The following KIF5B variants were observed in gnomAD, a reference collection of about 807,000 sequenced individuals.
The protein encoded by KIF5B is kinesin family member 5B.
A neutral mutation model predicts 132.8 loss-of-function variants in KIF5B; 49 were observed. The observed-to-expected ratio is 0.37, with a 90% CI of 0.29 to 0.47. KIF5B has a LOEUF of 0.47. Among genes scored for constraint, KIF5B ranks in the 20% least tolerant of loss-of-function variants. KIF5B has a pLI of 1.00. For synonymous variants in KIF5B, 355 were observed against 369.4 expected, an observed-to-expected ratio of 0.96 and a Z score of 0.45; for missense variants, 780 against 1,144.0, an observed-to-expected ratio of 0.68 and a Z score of 4.59.
At position 32,042,441 on chromosome 10, in the gene KIF5B, G is replaced by C. The variant is rs1366225910; in HGVS notation, c.215-1984C>G. On this transcript the variant is annotated intron_variant, in intron 2 of 25. Transcript: ENST00000302418. ...CCACAACGCACCCCCAAAATATCTGGGTAAAAGTCTCATCCTATGTGTTCT... is the reference window on the plus strand; with the variant it reads ...CCACAACGCACCCCCAAAATATCTGCGTAAAAGTCTCATCCTATGTGTTCT... Among the ~76,000 whole-genome samples the C allele has an allele frequency of 2.0e-5, 3 of 151,876 alleles. No homozygotes were observed. The East Asian group carries it at 5.8e-4, about 29-fold the overall frequency.
At chr10:32,022,017 G>C in intron 17 of KIF5B, 123 bp downstream of exon 17, 2 of 599,962 alleles carry the variant, frequency 3.3e-6, no homozygotes, top group Non-Finnish European at 5.9e-6. Flanking sequence ...TAATATGTAT[G>C]ATTTGTTTAC....
chr10:32,041,731 C>G lies in KIF5B; in HGVS notation c.215-1274G>C, dbSNP rs1592451514. On this transcript the variant is annotated intron_variant, in intron 2 of 25. Coordinates refer to ENST00000302418, the MANE Select transcript of KIF5B (RefSeq NM_004521.3). ...GCCTCAACCTCTTGGGTGTAGTAAGCTGCCTGCTTCAGCTTCAAGTAGCCA... is the reference window on the plus strand; with the variant it reads ...GCCTCAACCTCTTGGGTGTAGTAAGGTGCCTGCTTCAGCTTCAAGTAGCCA... Among the ~76,000 whole-genome samples, 3 of 152,298 alleles carry G rather than the reference C, an allele frequency of 2.0e-5. No homozygotes were observed. In the South Asian group the frequency reaches 6.2e-4, roughly 32 times the overall value.
chr10:32,037,729 A>C, intron 6 of KIF5B, 122 bp from the exon 7 acceptor site: 1 of 665,402 alleles, frequency 1.5e-6, no homozygotes, highest in Non-Finnish European at 2.6e-6. Context: ...GCTACTTGGG[A>C]GGCTGAGGCA....
At position 32,013,036 on chromosome 10, in the gene KIF5B, G is replaced by A. The variant is rs569730393; in HGVS notation, c.*21-1520C>T. On this transcript the variant is annotated intron_variant, in intron 25 of 25. Coordinates refer to ENST00000302418, the MANE Select transcript of KIF5B (RefSeq NM_004521.3). ...CCTGCCCCAGCCTCCCGAGTAGCTG[G>A]GATTACAGGCATGTGCCACCACGCC... Among the ~76,000 whole-genome samples, 9 of 151,992 alleles carry A rather than the reference G, an allele frequency of 5.9e-5. No homozygotes were observed. The South Asian group carries it at 1.7e-3, about 28-fold the overall frequency.
In KIF5B at chr10:32,015,225, C is replaced by G. The variant is rs79897350; in HGVS notation, c.*20+284G>C. Among the ~76,000 whole-genome samples, 364 of 151,818 alleles carry G rather than the reference C, an allele frequency of 2.4e-3. 3 individuals carry two copies. The highest frequency in any genetic ancestry group is 8.3e-3 in the African/African-American group (344 of 41,400). On this transcript the variant is annotated intron_variant, in intron 25 of 25. Coordinates refer to ENST00000302418, the MANE Select transcript of KIF5B (RefSeq NM_004521.3). ...GGAAAAAATTAATATAATTACATGT[C>G]TAGCCAAAAGGAAAGGAATGTTTAT...
Position 32,036,067 on chromosome 10 carries a change from CAT to C in KIF5B, c.712-75_712-74del, listed in dbSNP as rs1329830420. ...TTTTCTTTACATTTTCTAAAATGTT[CAT>C]ATGTCATCAATAACCAGTAAAAAAG... is the stretch of plus-strand genomic sequence containing the variant. On this transcript the variant is annotated intron_variant, in intron 8 of 25. Transcript: ENST00000302418. 3.1e-5 allele frequency: 30 copies of C among 955,674 alleles called. No homozygotes were observed. In the South Asian group the frequency reaches 3.4e-4, roughly 11 times the overall value. 59.2% of individuals were successfully genotyped at this position (955,674 alleles called of 1,614,324 possible). A position where few individuals can be genotyped will look rare whatever the true frequency, so the allele number is the denominator to read the frequency against.
intron 4 of KIF5B, 57 bp from the exon 5 acceptor site, chr10:32,038,883 T>C: frequency 9.4e-7 from 1 of 1,066,562 alleles, no homozygotes; most frequent in Non-Finnish European, 1.4e-6. Flanking sequence ...CTTATTCGCA[T>C]ATTGAGGTCT....
Position 32,022,784 on chromosome 10 carries a change from A to G in KIF5B, c.1914+64T>C, listed in dbSNP as rs1237904026. 7.4e-6 allele frequency: 9 copies of G among 1,223,684 alleles called. No homozygotes were observed. In the South Asian group the frequency reaches 1.5e-4, roughly 20 times the overall value. The allele number at this position is 1,223,684 out of a possible 1,614,324, so 75.8% of individuals were successfully genotyped here. A position where few individuals can be genotyped will look rare whatever the true frequency, so the allele number is the denominator to read the frequency against. ...GACACACATTTTTCTGAAAACTTGT[A>G]TAATAAATAAAATTTCTATGTGGCT... On this transcript the variant is annotated intron_variant, in intron 16 of 25. Coordinates refer to ENST00000302418, the MANE Select transcript of KIF5B (RefSeq NM_004521.3).
intron 13 of KIF5B, 86 bp from the exon 14 acceptor site, chr10:32,031,365 A>C: frequency 1.1e-6 from 1 of 943,576 alleles, no homozygotes; most frequent in Non-Finnish European, 1.6e-6. Context: ...GTCAAGAACA[A>C]ATGGAGTGAA....
At chr10:32,028,316 GT>G (rs1162344443) in intron 15 of KIF5B, 111 bp downstream of exon 15, 5 of 854,686 alleles carry the variant, frequency 5.9e-6, no homozygotes, top group Non-Finnish European at 9.1e-6. Flanking sequence ...CTACACGACT[GT>G]TTGTGAGGAT....
chr10:32,041,656 C>A (rs1841540994), intron 2 of KIF5B, among the ~76,000 whole-genome samples: 1 of 152,180 alleles, frequency 6.6e-6, no homozygotes, highest in Admixed American at 6.5e-5. Flanking sequence ...GACAGGGTCT[C>A]CCCTCTGTTC....
chr10:32,036,064 G>T, intron 8 of KIF5B, 70 bp from the exon 9 acceptor site: 1 of 1,025,840 alleles, frequency 9.7e-7, no homozygotes, highest in Non-Finnish European at 1.4e-6. Flanking sequence ...TTTCTAAAAT[G>T]TTCATATGTC....
intron 3 of KIF5B, 37 bp downstream of exon 3, chr10:32,040,347 T>G: frequency 1.6e-6 from 2 of 1,241,168 alleles, no homozygotes; most frequent in Non-Finnish European, 2.4e-6. Flanking sequence ...CTGTATGTAT[T>G]GCAAACCACA....
At chr10:32,036,019 G>GA (rs1841456266) in intron 8 of KIF5B, 25 bp from the exon 9 acceptor site, 1 of 1,427,542 alleles carries the variant, frequency 7.0e-7, no homozygotes, top group African/African-American at 1.4e-5. Flanking sequence ...TCAAAAGAAT[G>GA]AAACAAAATT....
chr10:32,041,472 TC>T (rs1354667261), intron 2 of KIF5B, among the ~76,000 whole-genome samples: 2 of 151,988 alleles, frequency 1.3e-5, no homozygotes, highest in Non-Finnish European at 2.9e-5. Flanking sequence ...AGAAAAAAAA[TC>T]CTCTGCCAAT....
chr10:32,026,786 T>G (rs1045569382), intron 15 of KIF5B, among the ~76,000 whole-genome samples: 1 of 152,174 alleles, frequency 6.6e-6, no homozygotes, highest in South Asian at 2.1e-4. Context: ...TCTGGTGTTC[T>G]GCGATATGAA....
chr10:32,042,423 G>A (rs964188780), intron 2 of KIF5B, among the ~76,000 whole-genome samples: 1 of 151,966 alleles, frequency 6.6e-6, no homozygotes, highest in Non-Finnish European at 1.5e-5. Context: ...ATTCCACAAC[G>A]CACCCCCAAA....
intron 24 of KIF5B, among the ~76,000 whole-genome samples, chr10:32,016,482 TAAATA>T (rs1159247129): frequency 3.3e-5 from 5 of 151,890 alleles, no homozygotes; most frequent in African/African-American, 9.7e-5. Flanking sequence ...AATAAATAAA[TAAATA>T]AAACACAAAA....
At position 32,018,148 on chromosome 10, in the gene KIF5B, C is replaced by G. The variant is rs770741818; in HGVS notation, c.2448G>C (p.Glu816Asp). The change falls in exon 23 of 26, where the codon GAG becomes GAC. Residue 816 changes from glutamate to aspartate, a missense_variant. Around this residue, in one of 9 missense-constraint regions of KIF5B, gnomAD observed 471 missense variants for 569.9 expected, o/e 0.83. Coordinates refer to ENST00000302418, the MANE Select transcript of KIF5B (RefSeq NM_004521.3). ...TGCCTCCGGTGTCATCAGAATCAAT[C>G]TCAGCACTCTGAGAAAAGAAGGTAA... ...DLATRVKKSA[E>D]IDSDDTGGSA... The G allele has an allele frequency of 3.1e-6, 5 of 1,593,354 alleles. No individual in the cohort carries two copies. Among genetic ancestry groups the G allele is most frequent in the Non-Finnish European group, 4.3e-6 (5 of 1,171,338 alleles).
Sources: gnomAD v4.1 joint callset for allele counts (sites outside exome capture counted in the v4.1 genomes callset) on GRCh38, gnomAD v4.1.1 for gene constraint, gnomAD v4.1.1 regional missense constraint, MANE v1.5 for transcripts, NCBI Gene and HGNC (gene_info 2026-07-23, HGNC 2026-07-21) for gene names.